The following DENND1A variants were observed in gnomAD, a reference collection of about 807,000 sequenced individuals.
DENND1A encodes the protein DENN domain-containing protein 1A.
In DENND1A, 51 loss-of-function variants were observed where a neutral mutation model predicts 113.7. The ratio of observed to expected loss-of-function variants is 0.45; its 90% CI spans 0.36 to 0.57. DENND1A has a LOEUF of 0.57. Among genes scored for constraint, DENND1A ranks in the 20% least tolerant of loss-of-function variants. The pLI is 0.00. For missense variants in DENND1A, 1,258 were observed against 1,395.9 expected (o/e 0.90, Z 1.57); for synonymous variants, 565 against 570.8 (o/e 0.99, Z 0.14).
chr9:123,444,648 A>AACAAAACAAAAT (rs1225034162), intron 18 of DENND1A, among the ~76,000 whole-genome samples: 1 of 152,212 alleles, frequency 6.6e-6, no homozygotes, highest in Non-Finnish European at 1.5e-5. Context: ...CAAAAAATAA[A>AACAAAACAAAAT]ACAAAACAAA....
intron 3 of DENND1A, among the ~76,000 whole-genome samples, chr9:123,776,707 A>T (rs1243401409): frequency 2.0e-5 from 3 of 152,080 alleles, no homozygotes; most frequent in Non-Finnish European, 2.9e-5. Context: ...CCTTAAAAAA[A>T]TTTTTTTTCA....
At chr9:123,686,713 C>T (rs1014893957) in intron 5 of DENND1A, among the ~76,000 whole-genome samples, 14 of 152,216 alleles carry the variant, frequency 9.2e-5, no homozygotes, top group African/African-American at 3.4e-4. Flanking sequence ...AGTGCCTCTG[C>T]TATACCCTAA....
chr9:123,591,375 C>G (rs1222694190), intron 11 of DENND1A, among the ~76,000 whole-genome samples: 1 of 152,224 alleles, frequency 6.6e-6, no homozygotes, highest in Non-Finnish European at 1.5e-5. Flanking sequence ...TGTGCACTGG[C>G]AATGTCAGCC....
intron 5 of DENND1A, among the ~76,000 whole-genome samples, chr9:123,737,946 A>G (rs1001610439): frequency 1.3e-5 from 2 of 152,214 alleles, no homozygotes; most frequent in Admixed American, 6.5e-5. Flanking sequence ...TGGGAAATTT[A>G]TATGAGAAAA....
chr9:123,855,671 T>C (rs1362933109), intron 2 of DENND1A, among the ~76,000 whole-genome samples: 1 of 152,114 alleles, frequency 6.6e-6, no homozygotes, highest in African/African-American at 2.4e-5. Flanking sequence ...CATGATTATA[T>C]TTGTTTAAAA....
At chr9:123,794,918 C>T (rs1409307087) in intron 2 of DENND1A, among the ~76,000 whole-genome samples, 1 of 151,886 alleles carries the variant, frequency 6.6e-6, no homozygotes, top group Non-Finnish European at 1.5e-5. Flanking sequence ...GTATCATTCC[C>T]AATACTGCCT....
chr9:123,512,256 A>G (rs969923557), intron 13 of DENND1A, among the ~76,000 whole-genome samples: 1 of 152,218 alleles, frequency 6.6e-6, no homozygotes. Flanking sequence ...AGATATGAAG[A>G]GGCCGGGGAA....
intron 13 of DENND1A, among the ~76,000 whole-genome samples, chr9:123,516,300 C>G (rs1238894603): frequency 6.6e-6 from 1 of 151,560 alleles, no homozygotes; most frequent in Non-Finnish European, 1.5e-5. Context: ...GAATCCCAGT[C>G]CAGAAAGATG....
At chr9:123,573,644 T>C (rs2058475477) in intron 12 of DENND1A, among the ~76,000 whole-genome samples, 1 of 152,166 alleles carries the variant, frequency 6.6e-6, no homozygotes, top group African/African-American at 2.4e-5. Flanking sequence ...ATACTGACTT[T>C]ATCCTGCACC....
intron 12 of DENND1A, among the ~76,000 whole-genome samples, chr9:123,563,804 A>AG (rs2136181000): frequency 6.6e-6 from 1 of 152,300 alleles, no homozygotes; most frequent in African/African-American, 2.4e-5. Context: ...GCTTGGCTCA[A>AG]GCTCCATTTG....
At chr9:123,834,261 C>T (rs1350214407) in intron 2 of DENND1A, among the ~76,000 whole-genome samples, 4 of 152,176 alleles carry the variant, frequency 2.6e-5, no homozygotes, top group Non-Finnish European at 5.9e-5. Flanking sequence ...AGGGTCACAA[C>T]AGAATCATAA....
At chr9:123,703,559 G>C (rs2066002685) in intron 5 of DENND1A, among the ~76,000 whole-genome samples, 1 of 151,990 alleles carries the variant, frequency 6.6e-6, no homozygotes. Context: ...CAACCACAAA[G>C]GAAACAGTAA....
rs1338805818 is a variant in DENND1A, at chr9:123,388,007, C to G, written c.1632-149G>C. On this transcript the variant is annotated intron_variant, in intron 21 of 23. Coordinates refer to ENST00000394215, the MANE Select transcript of DENND1A (RefSeq NM_001352964.2). ...GGGTGGGGGCTCTCAGGAGAGGAAG[C>G]TCGTTCCAGATAGAAAAGAAACTAA... 8.4e-5 allele frequency: 65 copies of G among 778,012 alleles called. No individual in the cohort carries two copies. In the South Asian group the frequency reaches 1.2e-3, roughly 14 times the overall value. The allele number at this position is 778,012 out of a possible 1,614,324, so 48.2% of individuals were successfully genotyped here.
chr9:123,541,558 T>C (rs1450305082), intron 13 of DENND1A, among the ~76,000 whole-genome samples: 4 of 152,192 alleles, frequency 2.6e-5, no homozygotes, highest in African/African-American at 9.7e-5. Flanking sequence ...AACTAGCTTA[T>C]GAATAATGCC....
chr9:123,597,077 T>C (rs1168136672), intron 11 of DENND1A, among the ~76,000 whole-genome samples: 2 of 152,166 alleles, frequency 1.3e-5, no homozygotes, highest in East Asian at 3.9e-4. Flanking sequence ...GGTCACCCTA[T>C]CATAAAATAG....
chr9:123,926,474 G>A (rs1857108946), intron 1 of DENND1A, among the ~76,000 whole-genome samples: 1 of 151,308 alleles, frequency 6.6e-6, no homozygotes, highest in South Asian at 2.1e-4. Context: ...AGCTGAGGCA[G>A]GAGAATCGCT....
chr9:123,387,645 A>C, intron 22 of DENND1A, 85 bp downstream of exon 22: 23 of 1,077,670 alleles, frequency 2.1e-5, no homozygotes, highest in South Asian at 4.0e-5. Context: ...CACAAAGGCA[A>C]GCAGCACCAG....
At chr9:123,664,847 T>A (rs954489280) in intron 8 of DENND1A, among the ~76,000 whole-genome samples, 2 of 152,336 alleles carry the variant, frequency 1.3e-5, no homozygotes, top group African/African-American at 4.8e-5. Context: ...TCAGTTCTTA[T>A]AAATGTCCCA....
At chr9:123,571,736 T>C (rs2058367188) in intron 12 of DENND1A, among the ~76,000 whole-genome samples, 1 of 152,260 alleles carries the variant, frequency 6.6e-6, no homozygotes. Flanking sequence ...CAGTTATTGT[T>C]CTCTATGAAT....
Sources: allele counts gnomAD v4.1 joint callset (sites outside exome capture counted in the v4.1 genomes callset), GRCh38; gene constraint gnomAD v4.1.1; transcripts MANE v1.5; gene names NCBI Gene and HGNC (gene_info 2026-07-23, HGNC 2026-07-21).